The following SHISA9 variants were observed in gnomAD, a reference collection of about 807,000 sequenced individuals.
SHISA9 encodes the protein shisa family member 9.
SHISA9 carries 13 observed loss-of-function variants against 38.0 expected under a neutral mutation model. The observed-to-expected ratio is 0.34, with a 90% confidence interval of 0.22 to 0.54. The LOEUF (loss-of-function observed/expected upper bound fraction) is 0.54. Ranked by LOEUF, SHISA9 falls within the 20% of genes least tolerant of loss-of-function variation. The pLI is 0.91. For synonymous variants in SHISA9, 275 were observed against 242.0 expected, an observed-to-expected ratio of 1.14 and a Z score of -1.27; for missense variants, 538 against 575.8, an observed-to-expected ratio of 0.93 and a Z score of 0.67.
chr16:13,352,669 G>C, the SHISA9 span, among the ~76,000 whole-genome samples: 4 of 67,166 alleles, frequency 6.0e-5, no homozygotes, highest in Admixed American at 4.3e-4. Flanking sequence ...GGCGGGCTGA[G>C]TCCGGAAAGA....
intron 2 of SHISA9, among the ~76,000 whole-genome samples, chr16:13,157,781 A>G (rs1039332855): frequency 6.6e-6 from 1 of 152,068 alleles, no homozygotes; most frequent in Non-Finnish European, 1.5e-5. Context: ...CCAGCCCCCA[A>G]TCCGGAGGCA....
At chr16:13,033,385 C>T (rs1055355263) in intron 2 of SHISA9, among the ~76,000 whole-genome samples, 1 of 152,152 alleles carries the variant, frequency 6.6e-6, no homozygotes, top group African/African-American at 2.4e-5. Flanking sequence ...AGAACCAAAA[C>T]CAGGGATTTG....
At position 13,105,685 on chromosome 16, in the gene SHISA9, C is replaced by T. The variant is rs190888274; in HGVS notation, c.692-97709C>T. Among the ~76,000 whole-genome samples, 468 of 152,282 alleles carry T rather than the reference C, an allele frequency of 3.1e-3. 1 individual carries two copies. The highest frequency in any genetic ancestry group is 0.011 in the African/African-American group (450 of 41,570). ...TCTAAGCAGCCAGTTTCATTTTGGG[C>T]ATGGCAGTTGCTTGTGCTGTCAGGG... is the stretch of plus-strand genomic sequence containing the variant. On this transcript the variant is annotated intron_variant, in intron 2 of 4. Coordinates refer to ENST00000558583, the MANE Select transcript of SHISA9 (RefSeq NM_001145204.3).
the SHISA9 span, among the ~76,000 whole-genome samples, chr16:13,382,224 T>G: frequency 6.6e-6 from 1 of 152,184 alleles, no homozygotes; most frequent in South Asian, 2.1e-4. Flanking sequence ...CAGAGATATA[T>G]TGCAGTAAGA....
At chr16:13,561,641 G>A in the SHISA9 span, among the ~76,000 whole-genome samples, 1 of 152,216 alleles carries the variant, frequency 6.6e-6, no homozygotes, top group African/African-American at 2.4e-5. Context: ...GCTGAGGGTG[G>A]AAGGGCCCCT....
chr16:13,213,207 G>A (rs1434468670), intron 3 of SHISA9, 46 bp from the exon 4 acceptor site: 8 of 1,529,568 alleles, frequency 5.2e-6, no homozygotes, highest in East Asian at 2.5e-5. Context: ...GAACATGGGT[G>A]CCCTGCAAAC....
intron 2 of SHISA9, among the ~76,000 whole-genome samples, chr16:12,989,437 C>T (rs1485980328): frequency 6.6e-6 from 1 of 152,078 alleles, no homozygotes; most frequent in South Asian, 2.1e-4. Flanking sequence ...CTCAGCCTCC[C>T]CCGGGTGTTG....
chr16:13,022,361 C>G (rs1052151928), intron 2 of SHISA9, among the ~76,000 whole-genome samples: 33 of 150,292 alleles, frequency 2.2e-4, no homozygotes, highest in African/African-American at 7.3e-4. Flanking sequence ...GACAGAGTTT[C>G]GCTCTTGTTG....
chr16:13,118,336 T>A (rs2141974782), intron 2 of SHISA9, among the ~76,000 whole-genome samples: 1 of 152,262 alleles, frequency 6.6e-6, no homozygotes, highest in African/African-American at 2.4e-5. Context: ...CTGGGAATAC[T>A]TCCTGGAGCT....
intron 2 of SHISA9, among the ~76,000 whole-genome samples, chr16:13,001,064 A>G (rs1480684939): frequency 6.6e-6 from 1 of 152,146 alleles, no homozygotes; most frequent in East Asian, 1.9e-4. Context: ...AGTAGCTGGG[A>G]CTACAGGTAC....
intron 2 of SHISA9, among the ~76,000 whole-genome samples, chr16:13,188,733 A>AAAAG (rs1193588940): frequency 1.3e-5 from 2 of 151,496 alleles, no homozygotes; most frequent in Non-Finnish European, 2.9e-5. Context: ...AAAAAAAAAA[A>AAAAG]AAAAAGGTAT....
intron 1 of SHISA9, 67 bp downstream of exon 1, chr16:12,902,694 C>T (rs2071035704): frequency 7.0e-7 from 1 of 1,419,550 alleles, no homozygotes; most frequent in Non-Finnish European, 9.4e-7. Context: ...CCCCACCTTC[C>T]CCCAGGCAAT....
chr16:13,457,361 A>C, the SHISA9 span, among the ~76,000 whole-genome samples: 80 of 152,256 alleles, frequency 5.3e-4, 2 homozygotes, highest in South Asian at 0.017. Context: ...GTAATTATCA[A>C]AACTCAGGGT....
At chr16:12,930,423 G>A (rs1448937087) in intron 2 of SHISA9, among the ~76,000 whole-genome samples, 3 of 152,182 alleles carry the variant, frequency 2.0e-5, no homozygotes, top group East Asian at 3.8e-4. Flanking sequence ...ATTACCTGGC[G>A]ATTATGAAAT....
the SHISA9 span, among the ~76,000 whole-genome samples, chr16:13,559,089 A>G: frequency 2.6e-5 from 4 of 152,328 alleles, no homozygotes; most frequent in East Asian, 7.7e-4. Flanking sequence ...TGTTTTGTTC[A>G]CCACTTTCTC....
intron 2 of SHISA9, among the ~76,000 whole-genome samples, chr16:13,086,187 C>G (rs1450571936): frequency 6.6e-6 from 1 of 151,642 alleles, no homozygotes; most frequent in African/African-American, 2.4e-5. Context: ...GAAACCCTGT[C>G]TCTACTAAAA....
chr16:13,339,165 C>CTTTTTTTTTTTT, the SHISA9 span, among the ~76,000 whole-genome samples: 1 of 132,856 alleles, frequency 7.5e-6, no homozygotes. Context: ...CTTATTGTGA[C>CTTTTTTTTTTTT]TTTTTTTTTT....
chr16:13,184,140 C>G (rs1289917250), intron 2 of SHISA9, among the ~76,000 whole-genome samples: 2 of 152,048 alleles, frequency 1.3e-5, no homozygotes, highest in Non-Finnish European at 2.9e-5. Context: ...AGCTGCCTCA[C>G]TAAATTGAGA....
chr16:13,470,659 C>A, the SHISA9 span, among the ~76,000 whole-genome samples: 13 of 152,212 alleles, frequency 8.5e-5, no homozygotes, highest in Middle Eastern at 3.4e-3. Context: ...GGGATTGTTA[C>A]AATTCAAGGT....
Sources: gnomAD v4.1 joint callset for allele counts (sites outside exome capture counted in the v4.1 genomes callset) on GRCh38, gnomAD v4.1.1 for gene constraint, MANE v1.5 for transcripts, NCBI Gene and HGNC (gene_info 2026-07-23, HGNC 2026-07-21) for gene names.